Variants in SH3KBP1 observed in about 807,000 individuals in gnomAD.
SH3KBP1 encodes the protein SH3 domain containing kinase binding protein 1.
A neutral mutation model predicts 50.1 loss-of-function variants in SH3KBP1; 8 were observed. The observed-to-expected ratio is 0.16, with a 90% CI of 0.09 to 0.29. The LOEUF is 0.29. Ranked by LOEUF, SH3KBP1 falls within the 10% of genes least tolerant of loss-of-function variation. The pLI is 1.00. For synonymous variants in SH3KBP1, 227 were observed against 218.6 expected (o/e 1.04, Z -0.34); for missense variants, 377 against 535.2 (o/e 0.70, Z 2.92).
At chrX:19,806,344 C>T (rs1174641950) in intron 2 of SH3KBP1, among the ~76,000 whole-genome samples, 1 of 110,616 alleles carries the variant, frequency 9.0e-6, no homozygotes, top group Non-Finnish European at 1.9e-5. Flanking sequence ...TGGTGAAACC[C>T]TGTCTCTACT....
chrX:19,739,929 C>T, intron 3 of SH3KBP1, among the ~76,000 whole-genome samples: 1 of 110,281 alleles, frequency 9.1e-6, no homozygotes, highest in African/African-American at 3.3e-5. Flanking sequence ...AGGAGTATGG[C>T]GGGAGTCTTA....
intron 16 of SH3KBP1, among the ~76,000 whole-genome samples, chrX:19,540,773 T>C (rs5955813): frequency 0.24 from 27,059 of 110,695 alleles, 2,516 homozygotes; most frequent in African/African-American, 0.32. Flanking sequence ...GCTGCTGGAG[T>C]AGTGTGCTCT....
At chrX:19,539,110 C>T (rs2064808463) in intron 16 of SH3KBP1, among the ~76,000 whole-genome samples, 1 of 111,924 alleles carries the variant, frequency 8.9e-6, no homozygotes, top group South Asian at 3.7e-4. Context: ...ACTAACCATC[C>T]CACAAAGTTA....
At chrX:19,576,884 T>C (rs768523111) in intron 12 of SH3KBP1, among the ~76,000 whole-genome samples, 5 of 111,151 alleles carry the variant, frequency 4.5e-5, no homozygotes, top group Non-Finnish European at 9.4e-5. Context: ...GCAGAGAGCC[T>C]CCTCAGCCAA....
At chrX:19,662,102 T>C (rs1255049106) in intron 6 of SH3KBP1, among the ~76,000 whole-genome samples, 1 of 111,555 alleles carries the variant, frequency 9.0e-6, no homozygotes, top group East Asian at 2.8e-4. Flanking sequence ...TCCAAGTTAT[T>C]AGTAAGGATG....
At chrX:19,886,795 T>G in intron 1 of SH3KBP1, among the ~76,000 whole-genome samples, 1 of 101,968 alleles carries the variant, frequency 9.8e-6, no homozygotes. Context: ...AACTGGGGCG[T>G]TTCCCGCCCC....
Position 19,694,898 on chromosome X carries a change from A to T in SH3KBP1, c.520+714T>A, listed in dbSNP as rs1233864633. ...GCTGCACAGTCGAGCCTCCTACAACATTCATGCCCATGACCTTGGCTCAAG... is the reference window on the plus strand; with the variant it reads ...GCTGCACAGTCGAGCCTCCTACAACTTTCATGCCCATGACCTTGGCTCAAG... On this transcript the variant is annotated intron_variant, in intron 5 of 17. Coordinates refer to ENST00000397821, the MANE Select transcript of SH3KBP1 (RefSeq NM_031892.3). 6.7e-6 allele frequency: 5 copies of T among 744,972 alleles called. No homozygotes were observed. In the African/African-American group the frequency reaches 1.1e-4, roughly 16 times the overall value. The allele number at this position is 744,972 out of a possible 1,213,427, so 61.4% of individuals were successfully genotyped here. A position where few individuals can be genotyped will look rare whatever the true frequency, so the allele number is the denominator to read the frequency against.
chrX:19,591,285 C>G (rs1222209980), intron 11 of SH3KBP1, among the ~76,000 whole-genome samples: 1 of 111,722 alleles, frequency 9.0e-6, no homozygotes, highest in Admixed American at 9.5e-5. Context: ...TTTGCTCAGC[C>G]TCCTGTTCGT....
chrX:19,686,172 C>G (rs1276543322), intron 5 of SH3KBP1, among the ~76,000 whole-genome samples: 4 of 112,178 alleles, frequency 3.6e-5, no homozygotes, highest in Non-Finnish European at 5.6e-5. Flanking sequence ...TCCAGAACTT[C>G]TGGCAGGCTG....
intron 12 of SH3KBP1, among the ~76,000 whole-genome samples, chrX:19,576,923 C>A (rs979627767): frequency 9.0e-6 from 1 of 111,635 alleles, no homozygotes; most frequent in African/African-American, 3.3e-5. Flanking sequence ...GGGCAGCCCA[C>A]ACCCCATGGT....
intron 2 of SH3KBP1, among the ~76,000 whole-genome samples, chrX:19,755,235 G>A (rs763168643): frequency 6.3e-5 from 7 of 111,432 alleles, no homozygotes; most frequent in African/African-American, 2.0e-4. Context: ...AGGGTGTGGT[G>A]GCGTGTGCCT....
chrX:19,622,787 A>G (rs2067878444), intron 8 of SH3KBP1, among the ~76,000 whole-genome samples: 1 of 112,527 alleles, frequency 8.9e-6, no homozygotes, highest in Non-Finnish European at 1.9e-5. Context: ...TCACGCCTGT[A>G]ATCCCAGCAC....
At chrX:19,828,788 AT>A (rs2067772163) in intron 2 of SH3KBP1, among the ~76,000 whole-genome samples, 2 of 111,707 alleles carry the variant, frequency 1.8e-5, no homozygotes, top group Admixed American at 9.5e-5. Flanking sequence ...TCTAAAAAAA[AT>A]AAAAAAATAA....
chrX:19,886,807 C>A (rs1482680427), intron 1 of SH3KBP1, among the ~76,000 whole-genome samples: 23 of 93,506 alleles, frequency 2.5e-4, no homozygotes, highest in African/African-American at 8.0e-4. Flanking sequence ...TCCCGCCCCA[C>A]CCCCCAACCC....
At chrX:19,604,276 C>T (rs895984985) in intron 9 of SH3KBP1, among the ~76,000 whole-genome samples, 13 of 111,826 alleles carry the variant, frequency 1.2e-4, no homozygotes, top group African/African-American at 3.9e-4. Context: ...AAGAGATCAA[C>T]GGATGCTCTT....
chrX:19,747,955 G>A (rs2064964578), intron 2 of SH3KBP1, among the ~76,000 whole-genome samples: 1 of 112,592 alleles, frequency 8.9e-6, no homozygotes, highest in African/African-American at 3.2e-5. Context: ...AGCCTCACAG[G>A]CAGATGGCAT....
At chrX:19,585,202 G>A (rs910289194) in intron 12 of SH3KBP1, among the ~76,000 whole-genome samples, 4 of 111,309 alleles carry the variant, frequency 3.6e-5, no homozygotes, top group Admixed American at 9.6e-5. Context: ...TGTAAGACAC[G>A]CATACTAAAT....
intron 3 of SH3KBP1, among the ~76,000 whole-genome samples, chrX:19,741,127 G>A (rs1188222576): frequency 2.7e-5 from 3 of 112,534 alleles, no homozygotes; most frequent in Non-Finnish European, 5.6e-5. Flanking sequence ...AAGAGCAGCC[G>A]TTGATCCCTC....
At chrX:19,767,624 GGCAGACACA>G (rs2065660879) in intron 2 of SH3KBP1, among the ~76,000 whole-genome samples, 1 of 110,697 alleles carries the variant, frequency 9.0e-6, no homozygotes, top group Non-Finnish European at 1.9e-5. Context: ...GTACCAGAAA[GGCAGACACA>G]GCATGCCTTT....
Sources: allele counts gnomAD v4.1 joint callset (sites outside exome capture counted in the v4.1 genomes callset), GRCh38; gene constraint gnomAD v4.1.1; transcripts MANE v1.5; gene names NCBI Gene and HGNC (gene_info 2026-07-23, HGNC 2026-07-21).